The following LYN variants were observed in gnomAD, a reference collection of about 807,000 sequenced individuals.
LYN encodes the protein tyrosine-protein kinase Lyn.
In LYN, 12 loss-of-function variants were observed where a neutral mutation model predicts 65.0. The ratio of observed to expected loss-of-function variants is 0.18; its 90% CI spans 0.12 to 0.30. LYN has a LOEUF of 0.30. Among genes scored for constraint, LYN ranks in the 10% least tolerant of loss-of-function variants. LYN has a pLI of 1.00. For missense variants in LYN, 380 were observed against 623.2 expected (o/e 0.61, Z 4.16); for synonymous variants, 222 against 221.2 (o/e 1.00, Z -0.03).
intron 8 of LYN, among the ~76,000 whole-genome samples, chr8:55,956,552 G>A (rs1395254205): frequency 6.6e-6 from 1 of 152,078 alleles, no homozygotes; most frequent in African/African-American, 2.4e-5. Context: ...CCCTTTTGTA[G>A]TAAATAAATA....
At position 55,946,511 on chromosome 8, in the gene LYN, C is replaced by T; in HGVS notation, c.178+18C>T. The T allele has an allele frequency of 6.4e-7, 1 of 1,568,128 alleles. No homozygotes were observed. ...AACTAAAGGTATGTTTTCATAGCAA[C>T]ATAGTTAAAATTTTTTTTCTTTACT... is the stretch of plus-strand genomic sequence containing the variant. On this transcript the variant is annotated intron_variant, in intron 3 of 12. Coordinates refer to ENST00000519728, the MANE Select transcript of LYN (RefSeq NM_002350.4).
intron 1 of LYN, among the ~76,000 whole-genome samples, chr8:55,902,288 G>A (rs926269129): frequency 6.6e-6 from 1 of 151,440 alleles, no homozygotes; most frequent in Non-Finnish European, 1.5e-5. Flanking sequence ...GATGATAGGC[G>A]TGAGCCATTG....
In LYN at chr8:55,950,802, G is replaced by A. The variant is rs1806919836; in HGVS notation, c.487+18G>A. 7 of 1,535,072 alleles carry A rather than the reference G, an allele frequency of 4.6e-6. No individual in the cohort carries two copies. Among genetic ancestry groups the A allele is most frequent in the Non-Finnish European group, 5.4e-6 (6 of 1,108,404 alleles). ...ATTAAAAGGTAGGAAATTGTTCAAA[G>A]CCTCTTTTAAAACACTATTTAGGAA... On this transcript the variant is annotated intron_variant, in intron 6 of 12. Coordinates refer to ENST00000519728, the MANE Select transcript of LYN (RefSeq NM_002350.4).
intron 10 of LYN, among the ~76,000 whole-genome samples, chr8:55,987,187 C>T (rs560956330): frequency 2.6e-5 from 4 of 152,030 alleles, no homozygotes; most frequent in Admixed American, 6.5e-5. Context: ...CTAAGGCAGG[C>T]GGATCACCTG....
intron 1 of LYN, among the ~76,000 whole-genome samples, chr8:55,904,354 G>T (rs755251528): frequency 6.7e-6 from 1 of 149,226 alleles, no homozygotes; most frequent in Non-Finnish European, 1.5e-5. Flanking sequence ...AATATGATAT[G>T]AAATTCAACT....
chr8:55,947,224 G>A (rs1033322394), intron 3 of LYN, among the ~76,000 whole-genome samples: 1 of 152,232 alleles, frequency 6.6e-6, no homozygotes, highest in Non-Finnish European at 1.5e-5. Context: ...ACTCCAGTCT[G>A]GGCGACAAGA....
At chr8:55,947,124 C>T (rs1472077014) in intron 3 of LYN, among the ~76,000 whole-genome samples, 2 of 152,180 alleles carry the variant, frequency 1.3e-5, no homozygotes, top group Non-Finnish European at 2.9e-5. Context: ...TGGTGGGCGC[C>T]TGTAATCCCA....
At chr8:55,926,333 T>C (rs1806110151) in intron 1 of LYN, among the ~76,000 whole-genome samples, 1 of 152,262 alleles carries the variant, frequency 6.6e-6, no homozygotes, top group Non-Finnish European at 1.5e-5. Context: ...GCAATGGTTC[T>C]GCAGGATTAG....
rs1179290515 is a variant in LYN at position 55,942,431 on chromosome 8, A to ATG, written c.132+452_132+453dup. ...TATATATATGTGTGTATATATATAT[A>ATG]TGTGTGTGTGTGTATATATATATAT... On this transcript the variant is annotated intron_variant, in intron 2 of 12. Transcript: ENST00000519728. 1.6e-4 allele frequency among the ~76,000 whole-genome samples: 21 copies of ATG among 133,274 alleles called. No individual in the cohort carries two copies. In the South Asian group the frequency reaches 2.2e-3, roughly 14 times the overall value. The allele number at this position is 133,274 out of a possible 152,430, so 87.4% of individuals were successfully genotyped here.
intron 1 of LYN, chr8:55,895,754 G>C (rs1214546842): frequency 6.6e-6 from 1 of 151,986 alleles, no homozygotes; most frequent in Non-Finnish European, 1.5e-5. Flanking sequence ...ATTTTTGTTT[G>C]GTATCTCATC....
chr8:55,903,754 C>T (rs966825251), intron 1 of LYN, among the ~76,000 whole-genome samples: 2 of 152,234 alleles, frequency 1.3e-5, no homozygotes, highest in Admixed American at 6.5e-5. Flanking sequence ...TAGCTCACAC[C>T]TGTAATCCCA....
At chr8:56,005,259 T>C (rs1808640714) in intron 12 of LYN, among the ~76,000 whole-genome samples, 3 of 152,236 alleles carry the variant, frequency 2.0e-5, no homozygotes, top group African/African-American at 7.2e-5. Flanking sequence ...TTTATTTCAC[T>C]CAGCATAACC....
intron 1 of LYN, among the ~76,000 whole-genome samples, chr8:55,922,800 T>C (rs1309660246): frequency 1.3e-5 from 2 of 151,606 alleles, no homozygotes; most frequent in Non-Finnish European, 2.9e-5. Flanking sequence ...TGAAGTAACA[T>C]GAAAATAGAA....
In LYN at chr8:56,010,488, T is replaced by C. The variant is rs557419778; in HGVS notation, c.*378T>C. 62 of 291,738 alleles carry C rather than the reference T, an allele frequency of 2.1e-4. No individual in the cohort carries two copies. The South Asian group carries it at 3.9e-3, about 18-fold the overall frequency. 18.1% of individuals were successfully genotyped at this position (291,738 alleles called of 1,614,324 possible). A position where few individuals can be genotyped will look rare whatever the true frequency, so the allele number is the denominator to read the frequency against. On this transcript the variant is annotated 3_prime_UTR_variant, in exon 13 of 13. Transcript: ENST00000519728. ...GACCATTGCAATGAATCCCCAATAA[T>C]TGCAGAACTAAACTCATTTATAAAG...
intron 1 of LYN, among the ~76,000 whole-genome samples, chr8:55,887,705 G>C (rs746849670): frequency 1.3e-5 from 2 of 151,224 alleles, no homozygotes; most frequent in Non-Finnish European, 2.9e-5. Context: ...CACCTCCCGG[G>C]TTCAAGTGAT....
At chr8:55,988,143 G>A (rs775272242) in intron 10 of LYN, among the ~76,000 whole-genome samples, 4 of 152,176 alleles carry the variant, frequency 2.6e-5, no homozygotes, top group Admixed American at 1.3e-4. Context: ...ATTATGGATT[G>A]GAGATTAGAG....
chr8:55,948,371 C>T (rs1451105540), intron 4 of LYN, among the ~76,000 whole-genome samples: 1 of 152,142 alleles, frequency 6.6e-6, no homozygotes, highest in Non-Finnish European at 1.5e-5. Flanking sequence ...TGTTATATTA[C>T]TCATGTTTAG....
At chr8:56,000,243 C>A (rs1489599088) in intron 12 of LYN, among the ~76,000 whole-genome samples, 1 of 152,112 alleles carries the variant, frequency 6.6e-6, no homozygotes, top group Admixed American at 6.6e-5. Context: ...GTAATAAGTG[C>A]CCTGGAGTCT....
chr8:55,950,386 A>G (rs1806905876), intron 4 of LYN, 73 bp from the exon 5 acceptor site: 2 of 921,328 alleles, frequency 2.2e-6, no homozygotes, highest in Admixed American at 4.6e-5. Flanking sequence ...TTTATGGGAT[A>G]TCTGTGATAT....
Sources: gnomAD v4.1 joint callset for allele counts (sites outside exome capture counted in the v4.1 genomes callset) on GRCh38, gnomAD v4.1.1 for gene constraint, MANE v1.5 for transcripts, NCBI Gene and HGNC (gene_info 2026-07-23, HGNC 2026-07-21) for gene names.